PPFIBP2: variants seen among roughly 807,000 people sequenced by gnomAD.
PPFIBP2 encodes PPFIB scaffold protein 2, also known as liprin-beta-2.
PPFIBP2 carries 118 observed loss-of-function variants against 118.3 expected under a neutral mutation model. The ratio of observed to expected loss-of-function variants is 1.00; its 90% CI spans 0.86 to 1.16. PPFIBP2 has a LOEUF of 1.16. PPFIBP2 is among the 50% of genes most tolerant of loss of function. PPFIBP2 has a pLI of 0.00. For missense variants in PPFIBP2, 1,195 were observed against 1,073.1 expected (o/e 1.11, Z -1.59); for synonymous variants, 414 against 397.4 (o/e 1.04, Z -0.50).
chr11:7,632,726 C>A (rs1041119514), intron 11 of PPFIBP2, 141 bp from the exon 12 acceptor site: 4 of 633,958 alleles, frequency 6.3e-6, no homozygotes, highest in Non-Finnish European at 1.1e-5. Flanking sequence ...AAGAGCAAGG[C>A]ATCTATAATG....
chr11:7,613,930 T>A lies in PPFIBP2; in HGVS notation c.618+3508T>A, dbSNP rs577104552. ...GAGAACAGGGAAGAATCTTTAGGATTTCCTGCAGAAAATGGAAACATCTCA... is the reference window on the plus strand; with the variant it reads ...GAGAACAGGGAAGAATCTTTAGGATATCCTGCAGAAAATGGAAACATCTCA... On this transcript the variant is annotated intron_variant, in intron 6 of 23. Coordinates refer to ENST00000299492, the MANE Select transcript of PPFIBP2 (RefSeq NM_003621.5). 2.5e-4 allele frequency among the ~76,000 whole-genome samples: 38 copies of A among 152,344 alleles called. 1 individual carries two copies. The highest frequency in any genetic ancestry group is 8.4e-4 in the African/African-American group (35 of 41,582).
chr11:7,538,199 CCTCCTT>C (rs1045016338), intron 1 of PPFIBP2: 5 of 152,354 alleles, frequency 3.3e-5, no homozygotes, highest in African/African-American at 1.2e-4. Context: ...ACCCTGCGCT[CCTCCTT>C]GTGGGCTGGG....
chr11:7,535,813 A>G (rs940190106), intron 1 of PPFIBP2, among the ~76,000 whole-genome samples: 1 of 152,164 alleles, frequency 6.6e-6, no homozygotes, highest in African/African-American at 2.4e-5. Context: ...GTAGGAGTGG[A>G]AAGGATGAGA....
intron 1 of PPFIBP2, among the ~76,000 whole-genome samples, chr11:7,538,570 G>A (rs1025201039): frequency 2.6e-5 from 4 of 152,326 alleles, no homozygotes; most frequent in Middle Eastern, 3.4e-3. Context: ...GGAGGCTGGT[G>A]GTGGAGCAGG....
chr11:7,542,011 G>T (rs1327581288), intron 1 of PPFIBP2, among the ~76,000 whole-genome samples: 2 of 152,158 alleles, frequency 1.3e-5, no homozygotes, highest in Non-Finnish European at 2.9e-5. Context: ...CTCTTGCCGG[G>T]TTTCCTGTGT....
At chr11:7,646,996 C>G (rs569905646) in intron 17 of PPFIBP2, among the ~76,000 whole-genome samples, 1 of 151,894 alleles carries the variant, frequency 6.6e-6, no homozygotes, top group South Asian at 2.1e-4. Flanking sequence ...TTCCAGGCCT[C>G]GTAAAATATT....
chr11:7,639,755 C>G lies in PPFIBP2; in HGVS notation c.1260C>G (p.His420Gln). 1 of 1,614,132 alleles carries G rather than the reference C, an allele frequency of 6.2e-7. No individual in the cohort carries two copies. The highest frequency in any genetic ancestry group is 8.5e-7 in the Non-Finnish European group (1 of 1,180,012). The change falls in exon 15 of 24, where the codon CAC (histidine) becomes CAG (glutamine). Residue 420 changes from histidine to glutamine, a missense_variant. Physicochemically the swap from His to Gln is conservative, Grantham distance 24 (BLOSUM62 0). Transcript: ENST00000299492. ...EPKDSPFLAE[H>Q]KYPTLPGKLS... ...AGGACAGCCCTTTCTTGGCGGAGCA[C>G]AAATATCCCACTTTACCTGGGAAGC...
At chr11:7,568,275 C>G (rs1273475675) in intron 3 of PPFIBP2, among the ~76,000 whole-genome samples, 1 of 152,192 alleles carries the variant, frequency 6.6e-6, no homozygotes, top group East Asian at 1.9e-4. Context: ...ATAAGTGGCT[C>G]TGAGTGACCT....
rs548536291 is a variant in PPFIBP2, at chr11:7,630,529, C to A, written c.965-396C>A. 2.0e-4 allele frequency among the ~76,000 whole-genome samples: 31 copies of A among 152,332 alleles called. 2 individuals carry two copies. The South Asian group carries it at 4.8e-3, about 23-fold the overall frequency. ...GTTTCAACATGTTGACCAGGCTAGA[C>A]TCGAACTCCTGACCTTAAGTGATCC... is the stretch of plus-strand genomic sequence containing the variant. On this transcript the variant is annotated intron_variant, in intron 10 of 23. Coordinates refer to ENST00000299492, the MANE Select transcript of PPFIBP2 (RefSeq NM_003621.5).
rs1590365590 is a variant in PPFIBP2, at chr11:7,583,163, T to G, written c.280-9969T>G. ...CTATAGTCATCTTTTAAATTCCTTC[T>G]GTAATGTTATTTTTGCTGCCTCTAG... On this transcript the variant is annotated intron_variant, in intron 3 of 23. Coordinates refer to ENST00000299492, the MANE Select transcript of PPFIBP2 (RefSeq NM_003621.5). 2.6e-5 allele frequency among the ~76,000 whole-genome samples: 4 copies of G among 152,356 alleles called. No homozygotes were observed. The South Asian group carries it at 8.3e-4, about 32-fold the overall frequency.
chr11:7,515,348 G>T (rs1484556718), intron 1 of PPFIBP2, among the ~76,000 whole-genome samples: 2 of 152,218 alleles, frequency 1.3e-5, no homozygotes, highest in East Asian at 3.8e-4. Context: ...TGCTACTGGA[G>T]AGATAAGCTG....
At chr11:7,600,205 G>C (rs964984001) in intron 5 of PPFIBP2, among the ~76,000 whole-genome samples, 1 of 152,182 alleles carries the variant, frequency 6.6e-6, no homozygotes, top group Non-Finnish European at 1.5e-5. Context: ...AACAAATTGA[G>C]TTCAAGCCAT....
chr11:7,638,051 C>T (rs1407796594), intron 14 of PPFIBP2, among the ~76,000 whole-genome samples: 1 of 152,194 alleles, frequency 6.6e-6, no homozygotes, highest in Non-Finnish European at 1.5e-5. Flanking sequence ...TCATGCCCTT[C>T]AGGTCTCTAA....
chr11:7,552,859 ACT>A (rs1853149578), intron 2 of PPFIBP2, among the ~76,000 whole-genome samples: 1 of 151,484 alleles, frequency 6.6e-6, no homozygotes, highest in Non-Finnish European at 1.5e-5. Flanking sequence ...TTCCCACATA[ACT>A]CTGTTCTTGT....
intron 6 of PPFIBP2, among the ~76,000 whole-genome samples, chr11:7,614,391 C>CT (rs1423069230): frequency 6.6e-6 from 1 of 152,152 alleles, no homozygotes; most frequent in Non-Finnish European, 1.5e-5. Context: ...CTAGACCTTT[C>CT]TTTTTAAATT....
At chr11:7,633,962 C>T (rs901474075) in intron 12 of PPFIBP2, among the ~76,000 whole-genome samples, 2 of 152,088 alleles carry the variant, frequency 1.3e-5, no homozygotes, top group Non-Finnish European at 2.9e-5. Context: ...CAAAATAGAC[C>T]CTGAGAGAGC....
chr11:7,566,807 T>G (rs1277199923), intron 3 of PPFIBP2, among the ~76,000 whole-genome samples: 1 of 152,198 alleles, frequency 6.6e-6, no homozygotes, highest in South Asian at 2.1e-4. Context: ...TCAGGGTATT[T>G]AGGGTATCCA....
At chr11:7,605,710 A>G in intron 5 of PPFIBP2, 1 of 1,338,152 alleles carries the variant, frequency 7.5e-7, no homozygotes, top group Non-Finnish European at 9.5e-7. Context: ...CCAGGAAAAT[A>G]GAGTTACTAA....
At chr11:7,601,814 A>G (rs1157292880) in intron 5 of PPFIBP2, among the ~76,000 whole-genome samples, 4 of 147,936 alleles carry the variant, frequency 2.7e-5, no homozygotes, top group Admixed American at 1.3e-4. Context: ...ACAAAATTAG[A>G]CAGGTGTGGT....
Sources: gnomAD v4.1 joint callset for allele counts (sites outside exome capture counted in the v4.1 genomes callset) on GRCh38, gnomAD v4.1.1 for gene constraint, MANE v1.5 for transcripts, NCBI Gene and HGNC (gene_info 2026-07-23, HGNC 2026-07-21) for gene names.